Variants in PPFIBP2 observed in about 807,000 individuals in gnomAD.
The protein encoded by PPFIBP2 is PPFIB scaffold protein 2.
PPFIBP2 carries 118 observed loss-of-function variants against 118.3 expected under a neutral mutation model. The observed-to-expected ratio is 1.00, with a 90% confidence interval of 0.86 to 1.16. The LOEUF (loss-of-function observed/expected upper bound fraction) is 1.16. PPFIBP2 is among the 50% of genes most tolerant of loss of function. PPFIBP2 has a pLI of 0.00. For synonymous variants in PPFIBP2, 414 were observed against 397.4 expected (o/e 1.04, Z -0.50); for missense variants, 1,195 against 1,073.1 (o/e 1.11, Z -1.59).
chr11:7,517,851 A>G (rs945437672), intron 1 of PPFIBP2, among the ~76,000 whole-genome samples: 4 of 152,224 alleles, frequency 2.6e-5, no homozygotes, highest in African/African-American at 9.7e-5. Flanking sequence ...AGATCCGAGT[A>G]GGAGGTTTTG....
chr11:7,653,352 C>A lies in PPFIBP2; in HGVS notation c.*134C>A. ...ATTCCAGCAATTGTGTACCCCTGGGCCAGTCTCTTTGAACCCTGAGGGTGG... is the reference window on the plus strand; with the variant it reads ...ATTCCAGCAATTGTGTACCCCTGGGACAGTCTCTTTGAACCCTGAGGGTGG... On this transcript the variant is annotated 3_prime_UTR_variant, in exon 24 of 24. Coordinates refer to ENST00000299492, the MANE Select transcript of PPFIBP2 (RefSeq NM_003621.5). 2.0e-6 allele frequency: 3 copies of A among 1,491,544 alleles called. No homozygotes were observed. Among genetic ancestry groups the A allele is most frequent in the South Asian group, 1.3e-5 (1 of 74,270 alleles). 92.4% of individuals were successfully genotyped at this position (1,491,544 alleles called of 1,614,324 possible). A position where few individuals can be genotyped will look rare whatever the true frequency, so the allele number is the denominator to read the frequency against.
chr11:7,574,492 A>G (rs1271278990), intron 3 of PPFIBP2, among the ~76,000 whole-genome samples: 1 of 152,226 alleles, frequency 6.6e-6, no homozygotes, highest in Non-Finnish European at 1.5e-5. Context: ...CTGTTCTGAT[A>G]ATCTGACAAC....
the PPFIBP2 span, among the ~76,000 whole-genome samples, chr11:7,663,706 C>G: frequency 6.6e-6 from 1 of 152,226 alleles, no homozygotes; most frequent in Non-Finnish European, 1.5e-5. Flanking sequence ...GCTTTGTTTA[C>G]CTAAGCAAGC....
At chr11:7,660,265 G>A (rs1251950785), downstream of PPFIBP2, among the ~76,000 whole-genome samples, 12 of 124,420 alleles carry the variant, frequency 9.6e-5, no homozygotes, top group Admixed American at 7.5e-4. Flanking sequence ...TGCCCATTCA[G>A]TATGATATTG....
At chr11:7,666,689 C>G in the PPFIBP2 span, 23 of 579,936 alleles carry the variant, frequency 4.0e-5, no homozygotes, top group East Asian at 6.5e-4. Context: ...CCACGGCAAA[C>G]AAGAGTTCTG....
intron 3 of PPFIBP2, among the ~76,000 whole-genome samples, chr11:7,586,262 CTGT>C (rs945092348): frequency 2.6e-5 from 4 of 152,150 alleles, no homozygotes; most frequent in African/African-American, 9.7e-5. Flanking sequence ...AATATTGCCC[CTGT>C]TGTTCTCTTA....
At chr11:7,566,029 A>AT (rs1854930041) in intron 3 of PPFIBP2, among the ~76,000 whole-genome samples, 1 of 124,980 alleles carries the variant, frequency 8.0e-6, no homozygotes, top group African/African-American at 3.9e-5. Flanking sequence ...AAGGGCAAAC[A>AT]TTTAAGATTT....
chr11:7,549,745 T>C (rs1018016509), intron 2 of PPFIBP2, among the ~76,000 whole-genome samples: 1 of 152,170 alleles, frequency 6.6e-6, no homozygotes, highest in Admixed American at 6.5e-5. Context: ...GTGATCGTTC[T>C]GGTCTCTGCT....
intron 2 of PPFIBP2, among the ~76,000 whole-genome samples, chr11:7,560,183 T>A (rs564208297): frequency 6.6e-6 from 1 of 152,298 alleles, no homozygotes; most frequent in East Asian, 1.9e-4. Flanking sequence ...AAGAAACCTG[T>A]CTGGGTTTAC....
chr11:7,549,381 T>C (rs1489372016), intron 1 of PPFIBP2, 59 bp from the exon 2 acceptor site: 15 of 1,449,380 alleles, frequency 1.0e-5, no homozygotes, highest in Non-Finnish European at 1.4e-5. Context: ...TTTGCGATCT[T>C]GTGTGCGTAA....
chr11:7,628,841 C>A (rs555148590), intron 9 of PPFIBP2, among the ~76,000 whole-genome samples: 4 of 152,324 alleles, frequency 2.6e-5, no homozygotes, highest in South Asian at 4.1e-4. Context: ...AACATCATCT[C>A]TGAGGATCAC....
chr11:7,622,971 A>G (rs948129254), intron 7 of PPFIBP2, among the ~76,000 whole-genome samples: 1 of 152,216 alleles, frequency 6.6e-6, no homozygotes, highest in African/African-American at 2.4e-5. Flanking sequence ...AGCACTTCCT[A>G]TGTGCCAGAA....
chr11:7,623,564 G>C (rs1356739434), intron 7 of PPFIBP2, among the ~76,000 whole-genome samples: 3 of 152,146 alleles, frequency 2.0e-5, no homozygotes, highest in Admixed American at 2.0e-4. Flanking sequence ...TGGTCTGTAG[G>C]GTCCATGGTA....
Position 7,649,662 on chromosome 11 carries a change from C to T in PPFIBP2, c.2121+8C>T. 1 of 1,614,156 alleles carries T rather than the reference C, an allele frequency of 6.2e-7. No homozygotes were observed. The highest frequency in any genetic ancestry group is 2.2e-5 in the East Asian group (1 of 44,886). On this transcript the variant is annotated splice_region_variant and intron_variant, in intron 21 of 23. Coordinates refer to ENST00000299492, the MANE Select transcript of PPFIBP2 (RefSeq NM_003621.5). ...CGGCGGCCAGCTGATGAGGTGAGAC[C>T]ACAAATAGTATCTCTCCAGGTAGCC...
chr11:7,593,297 A>T, intron 4 of PPFIBP2, 73 bp downstream of exon 4: 1 of 1,545,900 alleles, frequency 6.5e-7, no homozygotes, highest in South Asian at 1.2e-5. Flanking sequence ...GTGGAAGGGA[A>T]GCCCAAGAGA....
rs374278125 is a variant in PPFIBP2 at position 7,524,970 on chromosome 11, TAAC to T, written c.-37+10857_-37+10859del. 2.2e-3 allele frequency among the ~76,000 whole-genome samples: 337 copies of T among 152,324 alleles called. 2 individuals carry two copies. The highest frequency in any genetic ancestry group is 7.7e-3 in the African/African-American group (321 of 41,566). The stretch of plus-strand genomic sequence containing the variant: ...TTCTTGGATGCATGTGCTCACCTGG[TAAC>T]AACAACAGCCTTGTGTGTCTGTCTG... On this transcript the variant is annotated intron_variant, in intron 1 of 23. Coordinates refer to ENST00000299492, the MANE Select transcript of PPFIBP2 (RefSeq NM_003621.5).
chr11:7,609,546 A>T (rs1847812218), intron 5 of PPFIBP2, among the ~76,000 whole-genome samples: 1 of 152,078 alleles, frequency 6.6e-6, no homozygotes, highest in Non-Finnish European at 1.5e-5. Flanking sequence ...TACCTTGTTT[A>T]TGCTTATGAA....
In PPFIBP2 at chr11:7,606,886, A is replaced by ATTTTTTTTTTTTTT. The variant is rs529585905; in HGVS notation, c.487-3376_487-3363dup. On this transcript the variant is annotated intron_variant, in intron 5 of 23. Transcript: ENST00000299492. ...CTGATCAGAAGACAAAACTGCATGAATTTTTTTTTTTTTTTTTTTTTTTTT... is the reference window on the plus strand; with the variant it reads ...CTGATCAGAAGACAAAACTGCATGAATTTTTTTTTTTTTTTTTTTTTTTTTTTTTTTTTTTTTTT... Among the ~76,000 whole-genome samples, 27 of 51,440 alleles carry ATTTTTTTTTTTTTT rather than the reference A, an allele frequency of 5.2e-4. 8 individuals carry two copies. Among genetic ancestry groups the ATTTTTTTTTTTTTT allele is most frequent in the Non-Finnish European group, 9.3e-4 (25 of 26,918 alleles). 33.7% of individuals were successfully genotyped at this position (51,440 alleles called of 152,430 possible). A position where few individuals can be genotyped will look rare whatever the true frequency, so the allele number is the denominator to read the frequency against.
intron 14 of PPFIBP2, among the ~76,000 whole-genome samples, chr11:7,636,175 T>C (rs751714647): frequency 2.6e-5 from 4 of 152,170 alleles, no homozygotes; most frequent in Non-Finnish European, 4.4e-5. Context: ...GGAAAATGTA[T>C]TGTGAGGCTG....
Sources: allele counts gnomAD v4.1 joint callset (sites outside exome capture counted in the v4.1 genomes callset), GRCh38; gene constraint gnomAD v4.1.1; transcripts MANE v1.5; gene names NCBI Gene and HGNC (gene_info 2026-07-23, HGNC 2026-07-21).